DOCK2: variants seen among roughly 807,000 people sequenced by gnomAD.
DOCK2 encodes dedicator of cytokinesis protein 2.
In DOCK2, 87 loss-of-function variants were observed where a neutral mutation model predicts 248.9. That is an observed-to-expected ratio of 0.35 (90% confidence interval 0.29 to 0.42). DOCK2 has a LOEUF of 0.42. Among genes scored for constraint, DOCK2 ranks in the 10% least tolerant of loss-of-function variants. DOCK2 has a pLI of 1.00. For missense variants in DOCK2, 1,747 were observed against 2,300.2 expected (o/e 0.76, Z 4.92); for synonymous variants, 805 against 821.6 (o/e 0.98, Z 0.35).
chr5:169,846,619 CACACATATATACACACATATATGT>C (rs1255695803), intron 27 of DOCK2, among the ~76,000 whole-genome samples: 1 of 151,788 alleles, frequency 6.6e-6, no homozygotes, highest in East Asian at 1.9e-4. Flanking sequence ...TACACACACA[CACACATATATACACACATATATGT>C]ACATATATAC....
chr5:169,803,028 C>T, intron 25 of DOCK2, 30 bp from the exon 26 acceptor site: 1 of 1,606,802 alleles, frequency 6.2e-7, no homozygotes, highest in Non-Finnish European at 8.5e-7. Flanking sequence ...ATGAGGAATT[C>T]TACACTACTC....
At chr5:169,896,199 G>A (rs1773596949) in intron 27 of DOCK2, among the ~76,000 whole-genome samples, 1 of 152,160 alleles carries the variant, frequency 6.6e-6, no homozygotes, top group Non-Finnish European at 1.5e-5. Flanking sequence ...GAGGCAGTCA[G>A]CAGTGAGCAA....
At chr5:169,922,267 T>C (rs143595367) in intron 27 of DOCK2, among the ~76,000 whole-genome samples, 2 of 152,336 alleles carry the variant, frequency 1.3e-5, no homozygotes, top group African/African-American at 4.8e-5. Context: ...TCTCATCTTA[T>C]GGAGGAAAAG....
intron 27 of DOCK2, among the ~76,000 whole-genome samples, chr5:169,845,101 T>C (rs1770226785): frequency 6.6e-6 from 1 of 150,904 alleles, no homozygotes; most frequent in South Asian, 2.1e-4. Context: ...GCCAGGTCCC[T>C]GAAGCCCACT....
intron 27 of DOCK2, among the ~76,000 whole-genome samples, chr5:169,909,275 T>C (rs949846620): frequency 6.6e-6 from 1 of 152,216 alleles, no homozygotes; most frequent in East Asian, 1.9e-4. Context: ...GCATTTCAAG[T>C]GCTAATAGCC....
chr5:170,010,227 G>T (rs1390069557), intron 32 of DOCK2, among the ~76,000 whole-genome samples: 1 of 152,134 alleles, frequency 6.6e-6, no homozygotes, highest in African/African-American at 2.4e-5. Flanking sequence ...AACCAAAAAG[G>T]TCTCCAGACA....
chr5:169,903,680 G>A (rs140810993), intron 27 of DOCK2, among the ~76,000 whole-genome samples: 50 of 152,248 alleles, frequency 3.3e-4, no homozygotes, highest in African/African-American at 1.2e-3. Context: ...ACTTCCTAGA[G>A]GGTCGAACTT....
At chr5:169,954,567 C>G (rs1273376271) in intron 27 of DOCK2, among the ~76,000 whole-genome samples, 2 of 152,182 alleles carry the variant, frequency 1.3e-5, no homozygotes, top group Non-Finnish European at 2.9e-5. Flanking sequence ...CAGAAGGGAC[C>G]CATAAGCTTA....
intron 27 of DOCK2, among the ~76,000 whole-genome samples, chr5:169,929,566 G>T (rs1775641401): frequency 6.6e-6 from 1 of 151,806 alleles, no homozygotes; most frequent in African/African-American, 2.4e-5. Context: ...ATGAAACCTT[G>T]TCTCTAACAA....
chr5:169,881,253 T>C, intron 27 of DOCK2: 1 of 824,098 alleles, frequency 1.2e-6, no homozygotes, highest in Non-Finnish European at 2.0e-6. Flanking sequence ...CATTTCATAG[T>C]TAAATACCTT....
intron 44 of DOCK2, among the ~76,000 whole-genome samples, chr5:170,062,429 A>G (rs1008352845): frequency 6.6e-6 from 1 of 152,128 alleles, no homozygotes; most frequent in African/African-American, 2.4e-5. Flanking sequence ...GGCACTGAGT[A>G]AACATCCACA....
chr5:169,775,141 C>T (rs1765311752), intron 25 of DOCK2, among the ~76,000 whole-genome samples: 1 of 152,150 alleles, frequency 6.6e-6, no homozygotes, highest in African/African-American at 2.4e-5. Context: ...AACTTCTGAC[C>T]TCAGGTGATC....
chr5:169,992,571 TCTC>T (rs1429691090), intron 29 of DOCK2, among the ~76,000 whole-genome samples: 1 of 152,004 alleles, frequency 6.6e-6, no homozygotes, highest in Non-Finnish European at 1.5e-5. Context: ...TTGAAGCAAT[TCTC>T]CTGCCTCAGC....
chr5:169,906,280 T>A (rs1774272807), intron 27 of DOCK2, among the ~76,000 whole-genome samples: 1 of 151,960 alleles, frequency 6.6e-6, no homozygotes, highest in African/African-American at 2.4e-5. Flanking sequence ...GTAAAATGAG[T>A]ATGATCATAG....
At chr5:169,749,748 A>G (rs368750632) in intron 23 of DOCK2, among the ~76,000 whole-genome samples, 1 of 152,130 alleles carries the variant, frequency 6.6e-6, no homozygotes, top group Non-Finnish European at 1.5e-5. Context: ...ATGTCTTCCT[A>G]TGGATTAGTT....
chr5:169,820,989 C>A (rs960440383), intron 26 of DOCK2, among the ~76,000 whole-genome samples: 3 of 151,932 alleles, frequency 2.0e-5, no homozygotes, highest in Non-Finnish European at 2.9e-5. Context: ...CTTCAGTAGC[C>A]GATTCAATCA....
chr5:169,726,002 A>G (rs1762452511), intron 22 of DOCK2, among the ~76,000 whole-genome samples: 1 of 152,230 alleles, frequency 6.6e-6, no homozygotes, highest in Non-Finnish European at 1.5e-5. Flanking sequence ...CATGATTTAT[A>G]ATCCTTTGGG....
rs375678853 is a variant in DOCK2, at chr5:170,019,489, A to G, written c.3381+381A>G. ...TTCTGGGCTGACTCTGCGGATCTAC[A>G]TTATCTAGAAAACGCCGGCCCTGCT... On this transcript the variant is annotated intron_variant, in intron 33 of 51. Coordinates refer to ENST00000520908, the MANE Select transcript of DOCK2 (RefSeq NM_004946.3). 2.5e-3 allele frequency among the ~76,000 whole-genome samples: 382 copies of G among 152,016 alleles called. 4 individuals carry two copies. In the South Asian group the frequency reaches 0.04, roughly 16 times the overall value.
chr5:170,032,111 C>G (rs190303381), intron 34 of DOCK2, among the ~76,000 whole-genome samples: 6 of 151,802 alleles, frequency 4.0e-5, no homozygotes, highest in Non-Finnish European at 7.4e-5. Context: ...ACTGCAAGCT[C>G]CACCTCCCGG....
Sources: allele counts gnomAD v4.1 joint callset (sites outside exome capture counted in the v4.1 genomes callset), GRCh38; gene constraint gnomAD v4.1.1; transcripts MANE v1.5; gene names NCBI Gene and HGNC (gene_info 2026-07-23, HGNC 2026-07-21).